SAMMSON: variants seen among roughly 807,000 people sequenced by gnomAD.
SAMMSON encodes survival associated mitochondrial melanoma specific oncogenic non-coding RNA, also known as long intergenic non-protein coding RNA 1212.
chr3:70,310,692 G>C (rs939433361), intron 7 of SAMMSON, among the ~76,000 whole-genome samples: 4 of 152,086 alleles, frequency 2.6e-5, no homozygotes, highest in Non-Finnish European at 1.5e-5. Flanking sequence ...ATTAGGGTTG[G>C]GGGTAGGGTG....
intron 4 of SAMMSON, among the ~76,000 whole-genome samples, chr3:70,087,569 C>G (rs975902626): frequency 1.3e-5 from 2 of 152,122 alleles, no homozygotes; most frequent in Non-Finnish European, 2.9e-5. Context: ...GGTATAGCCA[C>G]GCATGTTCTC....
chr3:70,426,872 G>C (rs1701374286), intron 2 of SAMMSON, among the ~76,000 whole-genome samples: 1 of 152,184 alleles, frequency 6.6e-6, no homozygotes, highest in East Asian at 1.9e-4. Context: ...ACAGAAGCGT[G>C]CTCAGTCTGA....
chr3:70,153,966 G>A (rs1310221212), intron 4 of SAMMSON, among the ~76,000 whole-genome samples: 2 of 151,744 alleles, frequency 1.3e-5, no homozygotes, highest in African/African-American at 4.8e-5. Flanking sequence ...TTGTCCTTTC[G>A]TGTCTGACTT....
chr3:70,431,788 C>T (rs1321472102), intron 2 of SAMMSON, among the ~76,000 whole-genome samples: 1 of 151,958 alleles, frequency 6.6e-6, no homozygotes, highest in African/African-American at 2.4e-5. Flanking sequence ...ATTTCTATCA[C>T]AATGGATTAG....
intron 4 of SAMMSON, among the ~76,000 whole-genome samples, chr3:70,220,844 G>A (rs909682124): frequency 6.6e-6 from 1 of 152,114 alleles, no homozygotes; most frequent in Non-Finnish European, 1.5e-5. Context: ...GTGCTTCCAT[G>A]ACATTCAGTT....
chr3:70,264,312 C>A (rs1701894795), intron 6 of SAMMSON, among the ~76,000 whole-genome samples: 2 of 152,200 alleles, frequency 1.3e-5, no homozygotes, highest in African/African-American at 4.8e-5. Flanking sequence ...TGCCACAATG[C>A]AGGCCTTTAT....
chr3:70,195,129 G>T (rs1011817235), intron 4 of SAMMSON, among the ~76,000 whole-genome samples: 1 of 152,192 alleles, frequency 6.6e-6, no homozygotes, highest in Non-Finnish European at 1.5e-5. Flanking sequence ...GAATAAGTCA[G>T]TTCATGGGGC....
intron 4 of SAMMSON, among the ~76,000 whole-genome samples, chr3:70,148,774 T>G (rs759512010): frequency 2.0e-5 from 3 of 152,124 alleles, no homozygotes; most frequent in Non-Finnish European, 4.4e-5. Context: ...TTCATTTCCC[T>G]GACCCAAACA....
chr3:70,244,079 A>G (rs940751008), intron 4 of SAMMSON, among the ~76,000 whole-genome samples: 1 of 152,172 alleles, frequency 6.6e-6, no homozygotes, highest in Non-Finnish European at 1.5e-5. Flanking sequence ...CTACTTTCCT[A>G]GCCTAACCTC....
intron 4 of SAMMSON, among the ~76,000 whole-genome samples, chr3:70,085,413 G>A (rs971778384): frequency 1.3e-5 from 2 of 152,144 alleles, no homozygotes; most frequent in Admixed American, 1.3e-4. Context: ...CAAATGTAGG[G>A]AAGCCAGTCC....
intron 2 of SAMMSON, among the ~76,000 whole-genome samples, chr3:70,415,074 G>T (rs2106770788): frequency 6.6e-6 from 1 of 152,196 alleles, no homozygotes; most frequent in East Asian, 1.9e-4. Context: ...TAAAATGAGG[G>T]GGGGTCCCAA....
At chr3:70,071,559 A>T (rs2067230115) in exon 4 of SAMMSON, 1 of 152,014 alleles carries the variant, frequency 6.6e-6, no homozygotes, top group South Asian at 2.1e-4. Context: ...CATCTATTGC[A>T]TTTTCTGTAA....
chr3:70,272,367 A>G (rs78319620), intron 6 of SAMMSON: 6,511 of 152,206 alleles, frequency 0.043, 261 homozygotes, highest in East Asian at 0.15. Context: ...TTCATACACT[A>G]TGTACTCTTT....
intron 4 of SAMMSON, among the ~76,000 whole-genome samples, chr3:70,146,969 A>T (rs1576134945): frequency 6.6e-6 from 1 of 152,078 alleles, no homozygotes; most frequent in Non-Finnish European, 1.5e-5. Context: ...GAGTGAGTCT[A>T]TCAAAGACAG....
At chr3:70,281,586 G>C (rs1005172953) in intron 6 of SAMMSON, among the ~76,000 whole-genome samples, 5 of 151,984 alleles carry the variant, frequency 3.3e-5, no homozygotes, top group Non-Finnish European at 5.9e-5. Flanking sequence ...CAAACAAATT[G>C]CTCTAGTTAT....
intron 4 of SAMMSON, among the ~76,000 whole-genome samples, chr3:70,137,172 A>T (rs2067509436): frequency 6.6e-6 from 1 of 152,190 alleles, no homozygotes. Context: ...GTAAACATAT[A>T]AATATAGTAA....
intron 3 of SAMMSON, among the ~76,000 whole-genome samples, chr3:70,029,653 G>A (rs544226173): frequency 5.9e-5 from 9 of 151,658 alleles, no homozygotes; most frequent in Non-Finnish European, 1.0e-4. Context: ...TGCTTGGGAG[G>A]CTGAGGCACA....
chr3:70,197,723 TA>T (rs982049043), intron 4 of SAMMSON, among the ~76,000 whole-genome samples: 1 of 152,266 alleles, frequency 6.6e-6, no homozygotes, highest in African/African-American at 2.4e-5. Flanking sequence ...AAATGCTTTT[TA>T]AAATAATCAC....
chr3:70,375,508 G>A (rs1703006930), intron 9 of SAMMSON, among the ~76,000 whole-genome samples: 3 of 151,170 alleles, frequency 2.0e-5, no homozygotes, highest in Admixed American at 1.3e-4. Context: ...TTGCAGATTT[G>A]TGATGGTGTG....
Sources: gnomAD v4.1 joint callset for allele counts (sites outside exome capture counted in the v4.1 genomes callset) on GRCh38, gnomAD v4.1.1 for gene constraint, MANE v1.5 for transcripts, NCBI Gene and HGNC (gene_info 2026-07-23, HGNC 2026-07-21) for gene names.